The following DSCAM variants were observed in gnomAD, a reference collection of about 807,000 sequenced individuals.
DSCAM encodes the protein DS cell adhesion molecule.
In DSCAM, 47 loss-of-function variants were observed where a neutral mutation model predicts 217.7. The observed-to-expected ratio is 0.22, with a 90% CI of 0.17 to 0.28. DSCAM has a LOEUF of 0.28. Ranked by LOEUF, DSCAM falls within the 10% of genes least tolerant of loss-of-function variation. The probability of loss-of-function intolerance (pLI) is 1.00; values close to 1 mark genes in which losing one functional copy is unlikely to be tolerated. For synonymous variants in DSCAM, 1,056 were observed against 1,015.3 expected, an observed-to-expected ratio of 1.04 and a Z score of -0.76; for missense variants, 2,080 against 2,618.3, an observed-to-expected ratio of 0.79 and a Z score of 4.49.
At chr21:40,613,802 A>G (rs1211298765) in intron 3 of DSCAM, among the ~76,000 whole-genome samples, 7 of 151,864 alleles carry the variant, frequency 4.6e-5, no homozygotes, top group Admixed American at 6.6e-5. Flanking sequence ...TTAGCAGAGA[A>G]GGAAAAAAAA....
intron 32 of DSCAM, among the ~76,000 whole-genome samples, chr21:40,018,660 G>A (rs1054455827): frequency 3.2e-4 from 48 of 152,114 alleles, no homozygotes; most frequent in Admixed American, 7.9e-4. Flanking sequence ...AGGAAGAAAC[G>A]TGTTTGAAAT....
chr21:40,823,957 A>G (rs949899362), intron 1 of DSCAM, among the ~76,000 whole-genome samples: 1 of 151,726 alleles, frequency 6.6e-6, no homozygotes, highest in Non-Finnish European at 1.5e-5. Flanking sequence ...AGAGTCTCAA[A>G]AGAAAAAAAA....
chr21:40,285,651 A>C (rs1267531041), intron 10 of DSCAM, among the ~76,000 whole-genome samples: 1 of 152,138 alleles, frequency 6.6e-6, no homozygotes, highest in African/African-American at 2.4e-5. Context: ...GTTTTCAAGA[A>C]CTCATTATTT....
intron 7 of DSCAM, 88 bp downstream of exon 7, chr21:40,339,030 TC>T: frequency 6.6e-7 from 1 of 1,515,294 alleles, no homozygotes; most frequent in South Asian, 1.3e-5. Flanking sequence ...GCTCTGGCAT[TC>T]CAAGACCCAG....
intron 3 of DSCAM, among the ~76,000 whole-genome samples, chr21:40,688,477 G>A (rs1249273693): frequency 6.6e-6 from 1 of 152,030 alleles, no homozygotes; most frequent in Admixed American, 6.5e-5. Context: ...ATTTTTACTG[G>A]GCTACATTAA....
intron 1 of DSCAM, among the ~76,000 whole-genome samples, chr21:40,742,532 G>C (rs1016939220): frequency 1.1e-4 from 16 of 152,212 alleles, no homozygotes; most frequent in African/African-American, 2.4e-4. Context: ...CTGTCCTTCA[G>C]AGTTGCAAGA....
At chr21:40,269,027 T>G (rs1028387778) in intron 11 of DSCAM, among the ~76,000 whole-genome samples, 5 of 152,078 alleles carry the variant, frequency 3.3e-5, no homozygotes, top group Non-Finnish European at 4.4e-5. Context: ...ATCTAACTCC[T>G]CATTCCCCCA....
At chr21:40,342,649 T>TATATATATATATA (rs1555907253) in intron 6 of DSCAM, among the ~76,000 whole-genome samples, 1 of 39,002 alleles carries the variant, frequency 2.6e-5, no homozygotes, top group African/African-American at 7.2e-5. Context: ...TATATATATA[T>TATATATATATATA]TTTTTTTTTT....
intron 3 of DSCAM, among the ~76,000 whole-genome samples, chr21:40,644,120 C>T (rs1313279187): frequency 6.6e-6 from 1 of 152,180 alleles, no homozygotes; most frequent in African/African-American, 2.4e-5. Flanking sequence ...CAGAACTCCG[C>T]CTAGAGAAAC....
At chr21:40,748,134 C>A (rs1219910557) in intron 1 of DSCAM, among the ~76,000 whole-genome samples, 2 of 151,844 alleles carry the variant, frequency 1.3e-5, no homozygotes, top group Non-Finnish European at 2.9e-5. Context: ...CAGTTGAAAA[C>A]TTCATTTCTA....
chr21:40,562,450 G>T (rs1342138843), intron 3 of DSCAM, among the ~76,000 whole-genome samples: 1 of 152,046 alleles, frequency 6.6e-6, no homozygotes, highest in African/African-American at 2.4e-5. Context: ...CCAGTCTCAG[G>T]CCGTTCTTCA....
rs975639777 is a variant in DSCAM at position 40,257,497 on chromosome 21, C to CACACACACACACACACAA, written c.2356+18599_2356+18600insTTGTGTGTGTGTGTGTGT. ...ACACACACACACACACACACACACA[C>CACACACACACACACACAA]AATGGCAAACGCACTCCCTGGCACT... is the stretch of plus-strand genomic sequence containing the variant. On this transcript the variant is annotated intron_variant, in intron 11 of 32. Coordinates refer to ENST00000400454, the MANE Select transcript of DSCAM (RefSeq NM_001389.5). Among the ~76,000 whole-genome samples, 38 of 151,708 alleles carry CACACACACACACACACAA rather than the reference C, an allele frequency of 2.5e-4. No individual in the cohort carries two copies. The South Asian group carries it at 5.4e-3, about 22-fold the overall frequency.
chr21:40,114,616 G>A (rs954944121), intron 20 of DSCAM, among the ~76,000 whole-genome samples: 14 of 152,158 alleles, frequency 9.2e-5, no homozygotes, highest in South Asian at 8.3e-4. Context: ...TACCATCAGC[G>A]TGAACAGGCA....
In DSCAM at chr21:40,347,836, G is replaced by A. The variant is rs778177192; in HGVS notation, c.1044C>T (p.Tyr348=). Residue 348 remains tyrosine, a synonymous_variant, in exon 6 of 33, where the codon TAC becomes TAT. Transcript: ENST00000400454. ...CAGGGTTGAGGATTTCACCATTGCG[G>A]TACCAGGAGAGTTCCTGGTCCTCAG... ...TGTEDQELSW[Y]RNGEILNPGK... is the part of the protein sequence containing the mutation. The A allele has an allele frequency of 9.9e-6, 16 of 1,614,006 alleles. No individual in the cohort carries two copies. Among genetic ancestry groups the A allele is most frequent in the Admixed American group, 6.7e-5 (4 of 60,012 alleles).
intron 3 of DSCAM, among the ~76,000 whole-genome samples, chr21:40,374,025 T>C (rs989830703): frequency 1.6e-4 from 24 of 148,160 alleles, no homozygotes; most frequent in Admixed American, 2.0e-4. Context: ...ATGTATTCTA[T>C]ATTTCAAAAT....
chr21:40,099,123 TA>T (rs1238890527), intron 20 of DSCAM, among the ~76,000 whole-genome samples: 1 of 152,238 alleles, frequency 6.6e-6, no homozygotes, highest in African/African-American at 2.4e-5. Flanking sequence ...CATTAAGATA[TA>T]TTTATAAAAT....
chr21:40,397,382 A>G (rs575656702), intron 3 of DSCAM, among the ~76,000 whole-genome samples: 26 of 151,568 alleles, frequency 1.7e-4, no homozygotes, highest in Non-Finnish European at 3.5e-4. Context: ...AGTGTGTGGC[A>G]ACTCCCTCTC....
chr21:40,056,307 T>A (rs115036877), intron 28 of DSCAM, among the ~76,000 whole-genome samples: 5,255 of 152,292 alleles, frequency 0.035, 152 homozygotes, highest in African/African-American at 0.073. Context: ...TGTATTTATA[T>A]CTGGTGTCAT....
intron 3 of DSCAM, among the ~76,000 whole-genome samples, chr21:40,684,532 C>T (rs1173631636): frequency 6.6e-6 from 1 of 152,162 alleles, no homozygotes; most frequent in East Asian, 1.9e-4. Context: ...TGCTCCAGCC[C>T]AGAGCAAAGG....
Sources: gnomAD v4.1 joint callset for allele counts (sites outside exome capture counted in the v4.1 genomes callset) on GRCh38, gnomAD v4.1.1 for gene constraint, MANE v1.5 for transcripts, NCBI Gene and HGNC (gene_info 2026-07-23, HGNC 2026-07-21) for gene names.